Variants in KIF6 observed in about 807,000 individuals in gnomAD.
KIF6 encodes kinesin family member 6.
KIF6 carries 106 observed loss-of-function variants against 112.7 expected under a neutral mutation model. That is an observed-to-expected ratio of 0.94 (90% confidence interval 0.80 to 1.11). The LOEUF (loss-of-function observed/expected upper bound fraction) is 1.11, where lower values mean the gene tolerates loss of function less well. Among genes scored for constraint, KIF6 ranks in the 50% least tolerant of loss-of-function variants. KIF6 has a pLI of 0.00. For missense variants in KIF6, 929 were observed against 964.0 expected (o/e 0.96, Z 0.48); for synonymous variants, 339 against 339.9 (o/e 1.00, Z 0.03).
chr6:39,643,152 T>C (rs1287604090), intron 3 of KIF6, among the ~76,000 whole-genome samples: 1 of 152,100 alleles, frequency 6.6e-6, no homozygotes, highest in Non-Finnish European at 1.5e-5. Flanking sequence ...ATATAGAAAA[T>C]ACTAAGGAAT....
chr6:39,682,892 A>C (rs1180189775), intron 3 of KIF6, among the ~76,000 whole-genome samples: 2 of 152,162 alleles, frequency 1.3e-5, no homozygotes, highest in East Asian at 3.9e-4. Context: ...AGATATTTCT[A>C]ATGCGATTGG....
At chr6:39,672,409 T>C (rs564544064) in intron 3 of KIF6, among the ~76,000 whole-genome samples, 1 of 152,324 alleles carries the variant, frequency 6.6e-6, no homozygotes, top group African/African-American at 2.4e-5. Context: ...CTACTACTAA[T>C]AATATAACAA....
chr6:39,349,780 C>T (rs560549868), intron 19 of KIF6, among the ~76,000 whole-genome samples: 1 of 151,614 alleles, frequency 6.6e-6, no homozygotes, highest in African/African-American at 2.4e-5. Flanking sequence ...GTAGCTGGGA[C>T]TACAGGCACG....
Position 39,642,919 on chromosome 6 carries a change from C to T in KIF6, c.252-3162G>A, listed in dbSNP as rs12216117. 1.4e-3 allele frequency among the ~76,000 whole-genome samples: 211 copies of T among 152,066 alleles called. 1 individual carries two copies. The highest frequency in any genetic ancestry group is 2.5e-3 in the Non-Finnish European group (173 of 67,998). On this transcript the variant is annotated intron_variant, in intron 3 of 22. Coordinates refer to ENST00000287152, the MANE Select transcript of KIF6 (RefSeq NM_145027.6). Reference sequence around the variant, plus strand: ...AACTTCCTCAGCATTGAAGGTATGCCCCAACAAACATGTAGGGACCCTTGT... The same window carrying T: ...AACTTCCTCAGCATTGAAGGTATGCTCCAACAAACATGTAGGGACCCTTGT...
intron 13 of KIF6, among the ~76,000 whole-genome samples, chr6:39,470,672 T>C (rs1490109329): frequency 6.6e-6 from 1 of 151,672 alleles, no homozygotes; most frequent in East Asian, 1.9e-4. Flanking sequence ...ATGTTTCACC[T>C]AAATGTGTAA....
intron 13 of KIF6, among the ~76,000 whole-genome samples, chr6:39,487,805 A>C (rs79144765): frequency 0.013 from 1,909 of 152,310 alleles, 50 homozygotes; most frequent in African/African-American, 0.044. Context: ...CAGACTTCTA[A>C]AAATCCAAGC....
intron 3 of KIF6, among the ~76,000 whole-genome samples, chr6:39,703,528 T>C (rs1280851386): frequency 6.6e-6 from 1 of 152,180 alleles, no homozygotes; most frequent in Admixed American, 6.5e-5. Flanking sequence ...TAAAATAATA[T>C]ATATTCTTAG....
At position 39,586,283 on chromosome 6, in the gene KIF6, G is replaced by T; in HGVS notation, c.968C>A (p.Ser323Tyr). 1 of 1,614,150 alleles carries T rather than the reference G, an allele frequency of 6.2e-7. No individual in the cohort carries two copies. Among genetic ancestry groups the T allele is most frequent in the Non-Finnish European group, 8.5e-7 (1 of 1,180,004 alleles). The stretch of plus-strand genomic sequence containing the variant: ...TACATCAAGATTCCTTTTCTCCAAG[G>T]AGAGTGTTGCAATCATAGTTGTCAT... The part of the protein sequence containing the change: ...NCMTTMIATL[S>Y]LEKRNLDESI... Residue 323 changes from serine to tyrosine, a missense_variant, in exon 8 of 23, where the codon TCC becomes TAC. Around this residue, in one of 2 missense-constraint regions of KIF6, gnomAD observed 688 missense variants for 662.7 expected, o/e 1.04. Coordinates refer to ENST00000287152, the MANE Select transcript of KIF6 (RefSeq NM_145027.6).
Position 39,542,184 on chromosome 6 carries a change from A to G in KIF6, c.1427-1963T>C, listed in dbSNP as rs1181006746. Among the ~76,000 whole-genome samples the G allele has an allele frequency of 2.0e-5, 3 of 152,166 alleles. No homozygotes were observed. In the East Asian group the frequency reaches 5.8e-4, roughly 29 times the overall value. On this transcript the variant is annotated intron_variant, in intron 12 of 22. Transcript: ENST00000287152. ...CCCCTTGAAGACTTTAATGAGAATA[A>G]TGATGCGTTCTGATGTACATTTCAT...
intron 15 of KIF6, among the ~76,000 whole-genome samples, chr6:39,416,739 G>A (rs145923628): frequency 2.8e-4 from 42 of 152,310 alleles, no homozygotes; most frequent in African/African-American, 9.9e-4. Context: ...GAGAAGGAAG[G>A]CAGCTCAAGA....
Position 39,337,168 on chromosome 6 carries a change from CTTCCTTCTTTCTTTCTTTCTTTCTTTCT to C in KIF6, c.2429-648_2429-621del, listed in dbSNP as rs1763009112. 2.3e-4 allele frequency among the ~76,000 whole-genome samples: 11 copies of C among 48,508 alleles called. 1 individual carries two copies. The highest frequency in any genetic ancestry group is 0.014 in the Middle Eastern group (1 of 74). The allele number at this position is 48,508 out of a possible 152,430, so 31.8% of individuals were successfully genotyped here. A position where few individuals can be genotyped will look rare whatever the true frequency, so the allele number is the denominator to read the frequency against. On this transcript the variant is annotated intron_variant, in intron 22 of 22. Transcript: ENST00000287152. The stretch of plus-strand genomic sequence containing the variant: ...CCTTTCTCTTTCTTTTCTTTCTTTC[CTTCCTTCTTTCTTTCTTTCTTTCTTTCT>C]TTCTTTCTTTCTTTCTTTCTTTCTT...
chr6:39,355,496 C>T (rs1352629303), intron 19 of KIF6, among the ~76,000 whole-genome samples: 1 of 140,590 alleles, frequency 7.1e-6, no homozygotes, highest in Non-Finnish European at 1.5e-5. Flanking sequence ...CAGAGTCTCG[C>T]TCTGTCGCCC....
At position 39,336,234 on chromosome 6, in the gene KIF6, T is replaced by C. The variant is rs1762907694; in HGVS notation, c.*298A>G. The C allele has an allele frequency of 2.6e-6, 1 of 391,234 alleles. No homozygotes were observed. The highest frequency in any genetic ancestry group is 4.4e-5 in the Admixed American group (1 of 22,858). 24.2% of individuals were successfully genotyped at this position (391,234 alleles called of 1,614,324 possible). A position where few individuals can be genotyped will look rare whatever the true frequency, so the allele number is the denominator to read the frequency against. On this transcript the variant is annotated 3_prime_UTR_variant, in exon 23 of 23. Coordinates refer to ENST00000287152, the MANE Select transcript of KIF6 (RefSeq NM_145027.6). ...AGCTTATAAAGATCTACACAAAACGTCACTACAACAGTGAGCTGAAGCCTT... is the reference window on the plus strand; with the variant it reads ...AGCTTATAAAGATCTACACAAAACGCCACTACAACAGTGAGCTGAAGCCTT...
chr6:39,519,728 A>AAAACAAAAC (rs1777274606), intron 13 of KIF6, among the ~76,000 whole-genome samples: 1 of 151,856 alleles, frequency 6.6e-6, no homozygotes. Flanking sequence ...AAAACAAAAC[A>AAAACAAAAC]AAAACAAGCC....
intron 3 of KIF6, among the ~76,000 whole-genome samples, chr6:39,677,680 C>G (rs1014867951): frequency 9.1e-6 from 1 of 110,112 alleles, no homozygotes; most frequent in Non-Finnish European, 1.8e-5. Context: ...TATCCCTCCC[C>G]CCTCCCCCGA....
chr6:39,346,838 G>C (rs934683844), intron 19 of KIF6, among the ~76,000 whole-genome samples: 7 of 152,046 alleles, frequency 4.6e-5, no homozygotes, highest in Non-Finnish European at 7.4e-5. Context: ...TAGTAGAGAT[G>C]GGGTTTCACC....
chr6:39,508,338 T>C (rs1427897546), intron 13 of KIF6, among the ~76,000 whole-genome samples: 1 of 151,296 alleles, frequency 6.6e-6, no homozygotes, highest in Non-Finnish European at 1.5e-5. Context: ...TGGGGTAAAT[T>C]GTTCATGTCA....
intron 12 of KIF6, 153 bp downstream of exon 12, chr6:39,544,402 C>T (rs1015669239): frequency 9.6e-6 from 6 of 628,158 alleles, no homozygotes; most frequent in African/African-American, 9.4e-5. Flanking sequence ...GGTTGCAATA[C>T]TTTGCTGAAG....
At chr6:39,591,023 T>C (rs1781925356) in intron 7 of KIF6, among the ~76,000 whole-genome samples, 2 of 152,230 alleles carry the variant, frequency 1.3e-5, no homozygotes, top group African/African-American at 2.4e-5. Context: ...TGTTATATAC[T>C]TCCTTATTCA....
Sources: allele counts gnomAD v4.1 joint callset (sites outside exome capture counted in the v4.1 genomes callset), GRCh38; gene constraint gnomAD v4.1.1; regional missense constraint gnomAD v4.1.1; transcripts MANE v1.5; gene names NCBI Gene and HGNC (gene_info 2026-07-23, HGNC 2026-07-21).